CACNA1D: variants seen among roughly 807,000 people sequenced by gnomAD.
CACNA1D encodes calcium voltage-gated channel subunit alpha1 D.
CACNA1D carries 55 observed loss-of-function variants against 257.1 expected under a neutral mutation model. That is an observed-to-expected ratio of 0.21 (90% CI 0.17 to 0.27). The LOEUF is 0.27. CACNA1D is among the 10% of genes least tolerant of loss of function. The pLI is 1.00. For synonymous variants in CACNA1D, 980 were observed against 1,014.9 expected, an observed-to-expected ratio of 0.97 and a Z score of 0.65; for missense variants, 1,876 against 2,784.0, an observed-to-expected ratio of 0.67 and a Z score of 7.34.
chr3:53,782,929 GA>G (rs1329306737), intron 39 of CACNA1D: 1 of 152,166 alleles, frequency 6.6e-6, no homozygotes, highest in Non-Finnish European at 1.5e-5. Context: ...AAATGCTTTG[GA>G]AAAATTGTAA....
intron 3 of CACNA1D, among the ~76,000 whole-genome samples, chr3:53,618,665 C>T (rs74369891): frequency 3.3e-5 from 5 of 152,328 alleles, no homozygotes; most frequent in African/African-American, 7.2e-5. Context: ...GGGCTCCACC[C>T]GGTCCTGCTC....
At chr3:53,682,448 T>C (rs2094441818) in intron 8 of CACNA1D, among the ~76,000 whole-genome samples, 1 of 143,458 alleles carries the variant, frequency 7.0e-6, no homozygotes, top group South Asian at 2.3e-4. Context: ...TCCCAGCTAC[T>C]CAGGAGGCTG....
At chr3:53,712,674 A>G (rs2094772356) in intron 9 of CACNA1D, among the ~76,000 whole-genome samples, 1 of 152,188 alleles carries the variant, frequency 6.6e-6, no homozygotes, top group Non-Finnish European at 1.5e-5. Flanking sequence ...GAAGGCAGCC[A>G]CAACTCAGCC....
chr3:53,782,142 C>T (rs1030590982), intron 39 of CACNA1D, among the ~76,000 whole-genome samples: 2 of 151,406 alleles, frequency 1.3e-5, no homozygotes, highest in African/African-American at 4.9e-5. Context: ...TTTTAACTAA[C>T]AGGCATGCTT....
At position 53,673,053 on chromosome 3, in the gene CACNA1D, T is replaced by C; in HGVS notation, c.1147T>C (p.Trp383Arg). 6.4e-7 allele frequency: 1 copy of C among 1,552,174 alleles called. No individual in the cohort carries two copies. The highest frequency in any genetic ancestry group is 1.4e-5 in the African/African-American group (1 of 73,210). The change falls in exon 8 of 48, where the codon TGG (tryptophan) becomes CGG (arginine). Residue 383 changes from tryptophan to arginine, a missense_variant. Around this residue, in one of 10 missense-constraint regions of CACNA1D, gnomAD observed 188 missense variants for 390.4 expected, o/e 0.48. Coordinates refer to ENST00000350061, the MANE Select transcript of CACNA1D (RefSeq NM_001128840.3). This position sits in a 1 kb window ranked among gnomAD's most constrained non-coding sequence, Gnocchi z 4.1. Reference sequence around the variant, plus strand: ...TGATGCTATGGGATTTGAATTGCCCTGGGTGTATTTTGTCAGTCTCGTCAT... The same window carrying C: ...TGATGCTATGGGATTTGAATTGCCCCGGGTGTATTTTGTCAGTCTCGTCAT... ...MNDAMGFELP[W>R]VYFVSLVIFG...
chr3:53,763,617 T>G (rs920441333), intron 30 of CACNA1D, among the ~76,000 whole-genome samples: 1 of 152,212 alleles, frequency 6.6e-6, no homozygotes. Context: ...GCCCACCCCC[T>G]GCCCCTGATG....
intron 3 of CACNA1D, among the ~76,000 whole-genome samples, chr3:53,595,568 T>C (rs890330981): frequency 1.1e-4 from 16 of 152,094 alleles, no homozygotes; most frequent in Non-Finnish European, 1.8e-4. Context: ...CTTCCTGCGG[T>C]GCCCCCTGAC....
chr3:53,623,581 A>T (rs1167145198), intron 3 of CACNA1D, among the ~76,000 whole-genome samples: 1 of 152,242 alleles, frequency 6.6e-6, no homozygotes, highest in African/African-American at 2.4e-5. Context: ...AAGTTGCAGT[A>T]GCATGAAGGG....
chr3:53,751,703 C>G lies in CACNA1D; in HGVS notation c.3517-46C>G, dbSNP rs776463119. On this transcript the variant is annotated intron_variant, in intron 27 of 47. Coordinates refer to ENST00000350061, the MANE Select transcript of CACNA1D (RefSeq NM_001128840.3). This position sits in a 1 kb window ranked among gnomAD's most constrained non-coding sequence, Gnocchi z 4.3. Reference sequence around the variant, plus strand: ...CAGATGACCACGGGGTCCTCCTTCCCTGCAAGTGCTCAGAACCCCGTTTCT... The same window carrying G: ...CAGATGACCACGGGGTCCTCCTTCCGTGCAAGTGCTCAGAACCCCGTTTCT... The G allele has an allele frequency of 6.2e-7, 1 of 1,609,364 alleles. No individual in the cohort carries two copies. The highest frequency in any genetic ancestry group is 1.1e-5 in the South Asian group (1 of 90,946).
intron 26 of CACNA1D, among the ~76,000 whole-genome samples, chr3:53,747,832 G>A (rs1001763436): frequency 2.0e-5 from 3 of 151,670 alleles, no homozygotes; most frequent in African/African-American, 7.3e-5. Context: ...TATATTCCCA[G>A]TTGCGGACAG....
At chr3:53,787,277 C>T (rs1479499760) in intron 40 of CACNA1D, among the ~76,000 whole-genome samples, 1 of 152,220 alleles carries the variant, frequency 6.6e-6, no homozygotes, top group Non-Finnish European at 1.5e-5. Context: ...TCCCCACAGC[C>T]CTGGGCTCCA....
chr3:53,523,032 C>G (rs1168404917), intron 3 of CACNA1D, among the ~76,000 whole-genome samples: 1 of 152,142 alleles, frequency 6.6e-6, no homozygotes, highest in Admixed American at 6.5e-5. Context: ...CTTTCTGTGC[C>G]TGGCTTATTT....
chr3:53,736,818 G>A (rs2095061580), intron 20 of CACNA1D, among the ~76,000 whole-genome samples: 1 of 151,826 alleles, frequency 6.6e-6, no homozygotes, highest in South Asian at 2.1e-4. Context: ...AGCACAGGAG[G>A]CTGAGCCTGA....
chr3:53,606,595 T>C (rs2093514138), intron 3 of CACNA1D, among the ~76,000 whole-genome samples: 1 of 152,270 alleles, frequency 6.6e-6, no homozygotes, highest in Non-Finnish European at 1.5e-5. Context: ...CTTTCTGTAT[T>C]ATCAGTAAAT....
rs760564550 is a variant in CACNA1D, at chr3:53,808,651, C to G, written c.5752C>G (p.His1918Asp). ...RRLLPPTPAS[H>D]RRSSFNFECL... ...TGTGATGCCCTTTGCTTTCCCAGCC[C>G]ACCGGAGATCCTCCTTCAACTTTGA... The change falls in exon 46 of 48, where the codon CAC (histidine) becomes GAC (aspartate). Residue 1918 changes from histidine to aspartate, a missense_variant and splice_region_variant. Around this residue, in one of 10 missense-constraint regions of CACNA1D, gnomAD observed 491 missense variants for 554.3 expected, o/e 0.89. Coordinates refer to ENST00000350061, the MANE Select transcript of CACNA1D (RefSeq NM_001128840.3). The G allele has an allele frequency of 2.5e-6, 4 of 1,607,744 alleles. No individual in the cohort carries two copies. The highest frequency in any genetic ancestry group is 3.3e-4 in the Middle Eastern group (2 of 6,062).
At chr3:53,719,685 C>A in intron 10 of CACNA1D, 70 bp from the exon 11 acceptor site, 1 of 1,370,180 alleles carries the variant, frequency 7.3e-7, no homozygotes, top group African/African-American at 1.4e-5. Flanking sequence ...GATATCTCAG[C>A]TGAAATGATG....
In CACNA1D at chr3:53,620,771, T is replaced by C. The variant is rs559515681; in HGVS notation, c.484-30008T>C. Reference sequence around the variant, plus strand: ...GATGTATTTATTACATAAGCAGATATACCTGGATTTGCATAACAGAAAGGA... The same window carrying C: ...GATGTATTTATTACATAAGCAGATACACCTGGATTTGCATAACAGAAAGGA... On this transcript the variant is annotated intron_variant, in intron 3 of 47. Coordinates refer to ENST00000350061, the MANE Select transcript of CACNA1D (RefSeq NM_001128840.3). 5.9e-5 allele frequency among the ~76,000 whole-genome samples: 9 copies of C among 152,352 alleles called. No homozygotes were observed. In the East Asian group the frequency reaches 1.7e-3, roughly 29 times the overall value.
At chr3:53,679,270 CAAAAAAAAAAAAAAAAAA>C (rs1166823497) in intron 8 of CACNA1D, 43 of 16,330 alleles carry the variant, frequency 2.6e-3, no homozygotes, top group Middle Eastern at 0.062. Context: ...AACTCCATCT[CAAAAAAAAAAAAAAAAAA>C]AAAAAAAAAA....
chr3:53,643,402 C>T (rs2093984103), intron 3 of CACNA1D, among the ~76,000 whole-genome samples: 1 of 152,118 alleles, frequency 6.6e-6, no homozygotes, highest in South Asian at 2.1e-4. Context: ...AGCGCTGCGG[C>T]TCCCCTGGGT....
Sources: allele counts gnomAD v4.1 joint callset (sites outside exome capture counted in the v4.1 genomes callset), GRCh38; gene constraint gnomAD v4.1.1; regional missense constraint gnomAD v4.1.1; non-coding constraint Gnocchi (gnomAD v3.1); transcripts MANE v1.5; gene names NCBI Gene and HGNC (gene_info 2026-07-23, HGNC 2026-07-21).